PCDH9: variants seen among roughly 807,000 people sequenced by gnomAD.
PCDH9 encodes the protein protocadherin-9.
Under a neutral mutation model 70.6 loss-of-function variants are expected in PCDH9, and 24 were observed. That is an observed-to-expected ratio of 0.34 (90% CI 0.25 to 0.48). The LOEUF (loss-of-function observed/expected upper bound fraction) is 0.48, where lower values mean the gene tolerates loss of function less well. Among genes scored for constraint, PCDH9 ranks in the 20% least tolerant of loss-of-function variants. The pLI, the probability that PCDH9 is intolerant of heterozygous loss-of-function variation, is 0.99. For synonymous variants in PCDH9, 562 were observed against 558.5 expected, an observed-to-expected ratio of 1.01 and a Z score of -0.09; for missense variants, 1,281 against 1,503.6, an observed-to-expected ratio of 0.85 and a Z score of 2.45.
At chr13:67,155,890 T>C (rs1230064177) in intron 2 of PCDH9, among the ~76,000 whole-genome samples, 1 of 152,096 alleles carries the variant, frequency 6.6e-6, no homozygotes, top group Non-Finnish European at 1.5e-5. Context: ...TAACACAATC[T>C]CAAAATCTAT....
In PCDH9 at chr13:67,092,322, T is replaced by C. The variant is rs1432721179; in HGVS notation, c.3036+133083A>G. Among the ~76,000 whole-genome samples the C allele has an allele frequency of 2.0e-5, 3 of 152,222 alleles. 1 individual carries two copies. Among genetic ancestry groups the C allele is most frequent in the Non-Finnish European group, 4.4e-5 (3 of 68,024 alleles). On this transcript the variant is annotated intron_variant, in intron 2 of 4. Transcript: ENST00000377865. ...CAGATTTTTAAAAAATTATTTTCAG[T>C]ATTTTGTTTTTGATTCTATAAATTA... is the stretch of plus-strand genomic sequence containing the variant.
intron 2 of PCDH9, among the ~76,000 whole-genome samples, chr13:67,190,972 T>C (rs143892300): frequency 1.3e-5 from 2 of 152,228 alleles, no homozygotes; most frequent in East Asian, 3.9e-4. Context: ...TGAAAAACAC[T>C]AACAAATGAT....
chr13:66,511,837 G>A (rs546591790), intron 4 of PCDH9, among the ~76,000 whole-genome samples: 36 of 152,092 alleles, frequency 2.4e-4, no homozygotes, highest in African/African-American at 8.0e-4. Context: ...TCCTGAGGCC[G>A]CCCCAAAAGC....
chr13:67,044,858 G>C (rs1332248481), intron 2 of PCDH9, among the ~76,000 whole-genome samples: 1 of 152,142 alleles, frequency 6.6e-6, no homozygotes, highest in African/African-American at 2.4e-5. Flanking sequence ...AGGAAACACA[G>C]AGCATGGCCT....
At chr13:66,398,629 A>G (rs1183750408) in intron 4 of PCDH9, among the ~76,000 whole-genome samples, 1 of 152,200 alleles carries the variant, frequency 6.6e-6, no homozygotes, top group East Asian at 1.9e-4. Context: ...TTTTATATAC[A>G]TTCAAAACTA....
intron 4 of PCDH9, among the ~76,000 whole-genome samples, chr13:66,329,311 A>G (rs555536781): frequency 6.6e-6 from 1 of 152,192 alleles, no homozygotes; most frequent in Non-Finnish European, 1.5e-5. Context: ...TTTTACTGAG[A>G]TCTAGGAAAA....
chr13:66,824,727 CAT>C (rs1224215695), intron 3 of PCDH9, among the ~76,000 whole-genome samples: 193 of 141,600 alleles, frequency 1.4e-3, no homozygotes, highest in Admixed American at 2.8e-3. Context: ...TACACACACA[CAT>C]ATATATATAT....
chr13:67,132,069 C>T (rs1354332741), intron 2 of PCDH9, among the ~76,000 whole-genome samples: 1 of 152,134 alleles, frequency 6.6e-6, no homozygotes, highest in Non-Finnish European at 1.5e-5. Flanking sequence ...GAACTAAAAA[C>T]TCAAGTGTCT....
intron 3 of PCDH9, among the ~76,000 whole-genome samples, chr13:66,700,790 C>T (rs905829879): frequency 1.2e-4 from 18 of 151,608 alleles, no homozygotes; most frequent in Non-Finnish European, 1.5e-5. Flanking sequence ...CTCATACAGA[C>T]TTTCAAAATA....
intron 3 of PCDH9, among the ~76,000 whole-genome samples, chr13:66,683,237 T>C (rs989490906): frequency 6.6e-6 from 1 of 152,154 alleles, no homozygotes; most frequent in African/African-American, 2.4e-5. Context: ...ACTCATAAAC[T>C]ATCTGCCTAG....
intron 4 of PCDH9, among the ~76,000 whole-genome samples, chr13:66,530,506 C>T (rs1426025897): frequency 1.3e-5 from 2 of 151,610 alleles, no homozygotes; most frequent in East Asian, 3.9e-4. Context: ...TTATTCTTAA[C>T]AGAACTATGA....
chr13:66,685,178 G>C (rs1022405416), intron 3 of PCDH9, among the ~76,000 whole-genome samples: 1 of 152,132 alleles, frequency 6.6e-6, no homozygotes, highest in Admixed American at 6.5e-5. Flanking sequence ...CCCATCACCC[G>C]CCCAGAGGCC....
chr13:66,919,903 C>A (rs1053907656), intron 2 of PCDH9, among the ~76,000 whole-genome samples: 6 of 150,862 alleles, frequency 4.0e-5, no homozygotes, highest in African/African-American at 1.5e-4. Context: ...ATTTCTTATT[C>A]GGTTTTTAAA....
chr13:67,081,934 T>C (rs1202962289), intron 2 of PCDH9, among the ~76,000 whole-genome samples: 1 of 152,208 alleles, frequency 6.6e-6, no homozygotes, highest in Non-Finnish European at 1.5e-5. Context: ...TATTGGGGCC[T>C]GATTGGCATA....
intron 3 of PCDH9, among the ~76,000 whole-genome samples, chr13:66,639,885 T>C (rs1267729947): frequency 6.6e-6 from 1 of 152,168 alleles, no homozygotes; most frequent in Non-Finnish European, 1.5e-5. Context: ...AATGTGGTAC[T>C]TTATCTGAGC....
intron 4 of PCDH9, among the ~76,000 whole-genome samples, chr13:66,551,421 G>T (rs1246426978): frequency 6.6e-6 from 1 of 152,130 alleles, no homozygotes; most frequent in East Asian, 1.9e-4. Context: ...CTGTTAAAAA[G>T]AATTACAAAG....
At chr13:66,415,783 CATT>C (rs914473159) in intron 4 of PCDH9, among the ~76,000 whole-genome samples, 2 of 151,918 alleles carry the variant, frequency 1.3e-5, no homozygotes, top group African/African-American at 4.8e-5. Flanking sequence ...GTGAAAGAAA[CATT>C]ATTACTTTAC....
chr13:66,789,064 G>A (rs371717251), intron 3 of PCDH9, among the ~76,000 whole-genome samples: 14 of 152,172 alleles, frequency 9.2e-5, no homozygotes, highest in African/African-American at 3.1e-4. Context: ...AAACCCTCAA[G>A]CAACAGTTAC....
At chr13:66,550,308 A>G (rs570263566) in intron 4 of PCDH9, among the ~76,000 whole-genome samples, 6 of 152,082 alleles carry the variant, frequency 3.9e-5, no homozygotes, top group Non-Finnish European at 8.8e-5. Flanking sequence ...CTTAGTATTT[A>G]TATCAAAAAT....
Sources: gnomAD v4.1 joint callset for allele counts (sites outside exome capture counted in the v4.1 genomes callset) on GRCh38, gnomAD v4.1.1 for gene constraint, MANE v1.5 for transcripts, NCBI Gene and HGNC (gene_info 2026-07-23, HGNC 2026-07-21) for gene names.